HRH1: variants seen among roughly 807,000 people sequenced by gnomAD.
The protein encoded by HRH1 is histamine H1 receptor.
HRH1 carries 6 observed loss-of-function variants against 10.3 expected under a neutral mutation model. The ratio of observed to expected loss-of-function variants is 0.58; its 90% CI spans 0.32 to 1.15. HRH1 has a LOEUF of 1.15. Ranked by LOEUF, HRH1 falls within the 50% of genes most tolerant of loss-of-function variation. The probability of loss-of-function intolerance (pLI) is 0.05; values close to 1 mark genes in which losing one functional copy is unlikely to be tolerated. For missense variants in HRH1, 514 were observed against 615.3 expected, an observed-to-expected ratio of 0.84 and a Z score of 1.74; for synonymous variants, 242 against 236.7, an observed-to-expected ratio of 1.02 and a Z score of -0.21.
intron 1 of HRH1, among the ~76,000 whole-genome samples, chr3:11,205,019 A>G (rs1180005649): frequency 6.6e-6 from 1 of 152,168 alleles, no homozygotes; most frequent in Non-Finnish European, 1.5e-5. Context: ...GGGTCTGGTA[A>G]TTGTATTCCA....
In HRH1 at chr3:11,171,629, A is replaced by G. The variant is rs148720720; in HGVS notation, c.-36+17075A>G. ...GCTAGCCCATGCAGTGCCAAGAAGC[A>G]TTCAGACATCTGCCTCTGGCATCCT... On this transcript the variant is annotated intron_variant, in intron 1 of 1. Transcript: ENST00000431010. Among the ~76,000 whole-genome samples the G allele has an allele frequency of 3.7e-3, 558 of 152,354 alleles. 8 individuals carry two copies. The highest frequency in any genetic ancestry group is 0.013 in the African/African-American group (541 of 41,580).
intron 1 of HRH1, among the ~76,000 whole-genome samples, chr3:11,233,057 T>A (rs1291039979): frequency 6.6e-6 from 1 of 152,208 alleles, no homozygotes; most frequent in African/African-American, 2.4e-5. Context: ...TTTTCAAGAG[T>A]TTAATTATTA....
At chr3:11,153,784 C>A (rs1439593658), upstream of HRH1, among the ~76,000 whole-genome samples, 1 of 152,154 alleles carries the variant, frequency 6.6e-6, no homozygotes, top group African/African-American at 2.4e-5. Context: ...CCCCTTGCTG[C>A]TCGGGGTGGC....
At chr3:11,258,167 C>T in intron 1 of HRH1, among the ~76,000 whole-genome samples, 1 of 151,088 alleles carries the variant, frequency 6.6e-6, no homozygotes, top group Admixed American at 6.6e-5. Context: ...CTGGTGTGTC[C>T]CCTTATAACC....
chr3:11,230,929 T>G (rs1175304511), intron 1 of HRH1, among the ~76,000 whole-genome samples: 1 of 152,230 alleles, frequency 6.6e-6, no homozygotes, highest in East Asian at 1.9e-4. Context: ...AACCAACATA[T>G]GGACATAAAG....
rs542178140 is a variant in HRH1, at chr3:11,187,968, T to C, written c.-36+33414T>C. On this transcript the variant is annotated intron_variant, in intron 1 of 1. Transcript: ENST00000431010. ...TCTCATTTTTCCTGTTATTAAAATG[T>C]GTGATGCAAAGCTTTCCTGTGTATA... is the stretch of plus-strand genomic sequence containing the variant. Among the ~76,000 whole-genome samples the C allele has an allele frequency of 5.4e-4, 82 of 152,290 alleles. 2 individuals carry two copies. In the South Asian group the frequency reaches 0.016, roughly 30 times the overall value.
chr3:11,219,049 C>A (rs1938609697), intron 1 of HRH1, among the ~76,000 whole-genome samples: 1 of 152,016 alleles, frequency 6.6e-6, no homozygotes, highest in South Asian at 2.1e-4. Context: ...GCTACCATGC[C>A]CAGCTAATTT....
intron 1 of HRH1, among the ~76,000 whole-genome samples, chr3:11,191,545 G>A (rs1196387638): frequency 2.0e-5 from 3 of 152,152 alleles, no homozygotes; most frequent in Admixed American, 6.5e-5. Context: ...TAGAGAATCT[G>A]TAATTCCGAG....
chr3:11,253,096 A>G (rs529101784), intron 1 of HRH1: 4 of 152,260 alleles, frequency 2.6e-5, no homozygotes, highest in African/African-American at 9.6e-5. Context: ...TGTCTCCTCT[A>G]AGATTTTTGC....
intron 1 of HRH1, among the ~76,000 whole-genome samples, chr3:11,231,262 A>G (rs374377026): frequency 6.6e-6 from 1 of 152,214 alleles, no homozygotes; most frequent in Non-Finnish European, 1.5e-5. Flanking sequence ...TGTTTCCAGC[A>G]TTGAGCTATT....
intron 1 of HRH1, among the ~76,000 whole-genome samples, chr3:11,210,469 G>A (rs1938289801): frequency 6.6e-6 from 1 of 152,100 alleles, no homozygotes; most frequent in African/African-American, 2.4e-5. Flanking sequence ...GAGATGGTGT[G>A]TACACCCAGT....
At chr3:11,200,301 A>C (rs1439301397) in intron 1 of HRH1, among the ~76,000 whole-genome samples, 1 of 152,176 alleles carries the variant, frequency 6.6e-6, no homozygotes, top group Admixed American at 6.5e-5. Context: ...GGGAGTATAC[A>C]TTTCCTTATT....
intron 1 of HRH1, among the ~76,000 whole-genome samples, chr3:11,166,688 A>G (rs1452050029): frequency 6.9e-6 from 1 of 144,604 alleles, no homozygotes; most frequent in East Asian, 2.1e-4. Context: ...CAGGCCCGTG[A>G]CATCTGCTGT....
At chr3:11,146,665 C>T (rs545039278) in intron 1 of HRH1, among the ~76,000 whole-genome samples, 80 of 152,210 alleles carry the variant, frequency 5.3e-4, no homozygotes, top group Non-Finnish European at 7.9e-4. Flanking sequence ...GAGACAGACA[C>T]CAGAATTCCC....
intron 1 of HRH1, among the ~76,000 whole-genome samples, chr3:11,226,921 A>C (rs995880474): frequency 6.6e-6 from 1 of 151,224 alleles, no homozygotes; most frequent in African/African-American, 2.4e-5. Context: ...CCATGTGTAG[A>C]CTTTATTTGG....
At chr3:11,204,878 G>A (rs1938060335) in intron 1 of HRH1, among the ~76,000 whole-genome samples, 2 of 152,138 alleles carry the variant, frequency 1.3e-5, no homozygotes, top group Non-Finnish European at 2.9e-5. Flanking sequence ...GCTGGGTAGC[G>A]CCTGGCCCCT....
intron 1 of HRH1, among the ~76,000 whole-genome samples, chr3:11,190,349 T>TG (rs1269690131): frequency 6.7e-5 from 10 of 150,102 alleles, no homozygotes; most frequent in Non-Finnish European, 1.0e-4. Context: ...CTGTCTCTAG[T>TG]AATATATATA....
intron 1 of HRH1, among the ~76,000 whole-genome samples, chr3:11,212,863 C>T (rs1413560876): frequency 6.6e-6 from 1 of 152,172 alleles, no homozygotes; most frequent in South Asian, 2.1e-4. Flanking sequence ...AAGTTTATCT[C>T]CCCTCACTCA....
At chr3:11,209,516 G>A (rs886500481) in intron 1 of HRH1, among the ~76,000 whole-genome samples, 1 of 152,240 alleles carries the variant, frequency 6.6e-6, no homozygotes, top group Non-Finnish European at 1.5e-5. Context: ...TGTATCGGTG[G>A]TTCACAGTGT....
Sources: gnomAD v4.1 joint callset for allele counts (sites outside exome capture counted in the v4.1 genomes callset) on GRCh38, gnomAD v4.1.1 for gene constraint, MANE v1.5 for transcripts, NCBI Gene and HGNC (gene_info 2026-07-23, HGNC 2026-07-21) for gene names.